ADCY2: variants seen among roughly 807,000 people sequenced by gnomAD.
ADCY2 encodes the protein adenylate cyclase 2, also known as adenylate cyclase type 2.
In ADCY2, 31 loss-of-function variants were observed where a neutral mutation model predicts 125.2. That is an observed-to-expected ratio of 0.25 (90% CI 0.19 to 0.33). The LOEUF (loss-of-function observed/expected upper bound fraction) is 0.33, where lower values mean the gene tolerates loss of function less well. ADCY2 is among the 10% of genes least tolerant of loss of function. ADCY2 has a pLI of 1.00. For synonymous variants in ADCY2, 512 were observed against 548.4 expected (o/e 0.93, Z 0.93); for missense variants, 904 against 1,418.2 (o/e 0.64, Z 5.82).
At chr5:7,624,851 T>C (rs962215149) in intron 3 of ADCY2, among the ~76,000 whole-genome samples, 17 of 152,162 alleles carry the variant, frequency 1.1e-4, no homozygotes, top group African/African-American at 3.9e-4. Context: ...GTGACCTGTC[T>C]TGGTGGGAAT....
At chr5:7,667,301 A>G (rs1375899076) in intron 4 of ADCY2, among the ~76,000 whole-genome samples, 1 of 152,136 alleles carries the variant, frequency 6.6e-6, no homozygotes, top group Non-Finnish European at 1.5e-5. Context: ...TTCTGCCTTC[A>G]GGCTTCAATA....
At chr5:7,459,771 A>AT (rs1741842355) in intron 2 of ADCY2, among the ~76,000 whole-genome samples, 1 of 121,132 alleles carries the variant, frequency 8.3e-6, no homozygotes, top group South Asian at 2.6e-4. Context: ...TTTAAGAGGT[A>AT]ATTTTTTTTT....
intron 14 of ADCY2, among the ~76,000 whole-genome samples, chr5:7,728,700 G>A (rs1458609031): frequency 6.6e-6 from 1 of 152,066 alleles, no homozygotes; most frequent in African/African-American, 2.4e-5. Context: ...CAGGGAATGG[G>A]TCCTTATTGT....
At chr5:7,739,696 A>G (rs1742357176) in intron 14 of ADCY2, among the ~76,000 whole-genome samples, 1 of 151,674 alleles carries the variant, frequency 6.6e-6, no homozygotes, top group African/African-American at 2.4e-5. Context: ...AGGGAGAAAA[A>G]TCACAAAGCA....
At chr5:7,762,643 C>G (rs1743260347) in intron 16 of ADCY2, among the ~76,000 whole-genome samples, 1 of 152,192 alleles carries the variant, frequency 6.6e-6, no homozygotes, top group South Asian at 2.1e-4. Context: ...GGTTGTTTCC[C>G]TTTTTACCTA....
At chr5:7,567,321 ATCC>A (rs1265577978) in intron 3 of ADCY2, among the ~76,000 whole-genome samples, 1 of 152,128 alleles carries the variant, frequency 6.6e-6, no homozygotes, top group Non-Finnish European at 1.5e-5. Flanking sequence ...GTTTCTGTTG[ATCC>A]AAGCACAATA....
chr5:7,743,134 G>A (rs1742490045), intron 14 of ADCY2, among the ~76,000 whole-genome samples: 1 of 152,110 alleles, frequency 6.6e-6, no homozygotes, highest in Admixed American at 6.6e-5. Context: ...GCTCACTCAA[G>A]CATGTAAAAA....
At chr5:7,623,711 G>A (rs1362247142) in intron 3 of ADCY2, among the ~76,000 whole-genome samples, 1 of 152,192 alleles carries the variant, frequency 6.6e-6, no homozygotes, top group African/African-American at 2.4e-5. Flanking sequence ...TTGCTCTGAA[G>A]TGCTGGGCTG....
intron 20 of ADCY2, chr5:7,796,070 CA>C (rs149348828): frequency 8.3e-5 from 12 of 145,070 alleles, no homozygotes; most frequent in East Asian, 2.0e-4. Flanking sequence ...ACCTATAAGC[CA>C]AAAAAAAAAG....
At chr5:7,518,345 C>T (rs1048357341) in intron 2 of ADCY2, among the ~76,000 whole-genome samples, 17 of 151,322 alleles carry the variant, frequency 1.1e-4, no homozygotes, top group African/African-American at 3.9e-4. Flanking sequence ...TCGCTTACTA[C>T]AGGTCCCTCC....
chr5:7,757,412 T>C, intron 15 of ADCY2, 37 bp from the exon 16 acceptor site: 1 of 1,604,556 alleles, frequency 6.2e-7, no homozygotes. Context: ...AGTCATCAGC[T>C]AGCAATGCTT....
At chr5:7,756,102 C>A (rs1187754408) in intron 15 of ADCY2, among the ~76,000 whole-genome samples, 2 of 152,230 alleles carry the variant, frequency 1.3e-5, no homozygotes, top group African/African-American at 4.8e-5. Context: ...CAATGTCAAT[C>A]CCTGGAGGAC....
At chr5:7,512,557 G>A (rs2126521479) in intron 2 of ADCY2, among the ~76,000 whole-genome samples, 1 of 152,244 alleles carries the variant, frequency 6.6e-6, no homozygotes, top group East Asian at 1.9e-4. Context: ...AGTACAAGAA[G>A]GACAGAGATT....
chr5:7,507,833 C>T (rs982089441), intron 2 of ADCY2, among the ~76,000 whole-genome samples: 1 of 152,008 alleles, frequency 6.6e-6, no homozygotes, highest in Non-Finnish European at 1.5e-5. Context: ...GAATAATGTT[C>T]GACTTCAGCA....
chr5:7,557,201 A>ATATATATATATG, intron 3 of ADCY2, among the ~76,000 whole-genome samples: 1 of 140,060 alleles, frequency 7.1e-6, no homozygotes, highest in Non-Finnish European at 1.6e-5. Flanking sequence ...TGATATATAT[A>ATATATATATATG]ACTCAAGTGA....
intron 2 of ADCY2, among the ~76,000 whole-genome samples, chr5:7,474,596 C>T (rs367681850): frequency 2.6e-4 from 39 of 152,196 alleles, no homozygotes; most frequent in African/African-American, 8.9e-4. Flanking sequence ...AGAAACCCAG[C>T]GAGGAGACTG....
At chr5:7,731,893 A>C (rs1414551170) in intron 14 of ADCY2, among the ~76,000 whole-genome samples, 1 of 152,180 alleles carries the variant, frequency 6.6e-6, no homozygotes, top group African/African-American at 2.4e-5. Context: ...GTGAGCCACT[A>C]TGCCTGGTGG....
At chr5:7,812,647 C>T (rs568657054) in intron 22 of ADCY2, among the ~76,000 whole-genome samples, 4 of 152,290 alleles carry the variant, frequency 2.6e-5, no homozygotes, top group African/African-American at 9.6e-5. Context: ...GTGGCTCGTG[C>T]CTGTAATCCC....
intron 2 of ADCY2, among the ~76,000 whole-genome samples, chr5:7,418,403 G>T (rs1016982793): frequency 1.3e-5 from 2 of 152,128 alleles, no homozygotes; most frequent in Admixed American, 1.3e-4. Flanking sequence ...CTCACCCAAG[G>T]CATGATGCTT....
Sources: allele counts gnomAD v4.1 joint callset (sites outside exome capture counted in the v4.1 genomes callset), GRCh38; gene constraint gnomAD v4.1.1; transcripts MANE v1.5; gene names NCBI Gene and HGNC (gene_info 2026-07-23, HGNC 2026-07-21).